Variants in ASIC2 observed in about 807,000 individuals in gnomAD.
ASIC2 encodes acid sensing ion channel subunit 2, also known as acid-sensing ion channel 2.
Under a neutral mutation model 57.3 loss-of-function variants are expected in ASIC2, and 25 were observed. The observed-to-expected ratio is 0.44, with a 90% CI of 0.32 to 0.61. ASIC2 has a LOEUF of 0.61. Ranked by LOEUF, ASIC2 falls within the 20% of genes least tolerant of loss-of-function variation. The probability of loss-of-function intolerance (pLI) is 0.06; values close to 1 mark genes in which losing one functional copy is unlikely to be tolerated. For missense variants in ASIC2, 641 were observed against 738.1 expected, an observed-to-expected ratio of 0.87 and a Z score of 1.52; for synonymous variants, 319 against 307.5, an observed-to-expected ratio of 1.04 and a Z score of -0.39.
At chr17:33,660,141 C>G (rs998276818) in intron 1 of ASIC2, among the ~76,000 whole-genome samples, 1 of 151,848 alleles carries the variant, frequency 6.6e-6, no homozygotes, top group South Asian at 2.1e-4. Flanking sequence ...ATGATTGGAT[C>G]TCGCAGGACT....
intron 1 of ASIC2, among the ~76,000 whole-genome samples, chr17:33,285,914 C>A (rs1257192790): frequency 6.6e-6 from 1 of 152,218 alleles, no homozygotes; most frequent in Admixed American, 6.5e-5. Context: ...GTCCTTCACT[C>A]AAAATTCTCA....
In ASIC2 at chr17:33,387,993, T is replaced by C. The variant is rs527846446; in HGVS notation, c.556-275926A>G. 1.2e-3 allele frequency among the ~76,000 whole-genome samples: 185 copies of C among 152,122 alleles called. 1 individual carries two copies. The highest frequency in any genetic ancestry group is 4.3e-3 in the African/African-American group (177 of 41,498). On this transcript the variant is annotated intron_variant, in intron 1 of 9. Transcript: ENST00000359872. ...TACTCAGGAGGGAGAGGCAGGAGAA[T>C]TGCTTGAACCCGGGAGGCAGAGGTT...
rs192996091 is a variant in ASIC2, at chr17:33,235,913, T to C, written c.708+55495A>G. Among the ~76,000 whole-genome samples, 473 of 151,644 alleles carry C rather than the reference T, an allele frequency of 3.1e-3. 2 individuals carry two copies. Among genetic ancestry groups the C allele is most frequent in the South Asian group, 4.6e-3 (22 of 4,788 alleles). On this transcript the variant is annotated intron_variant, in intron 1 of 9. Transcript: ENST00000225823. ...GTGCAATGGTGCAATCTCAGCTCAC[T>C]GCGACCTCCTCCTCCCGGGTTCAAG...
intron 1 of ASIC2, among the ~76,000 whole-genome samples, chr17:33,697,207 G>A (rs1299912777): frequency 1.3e-5 from 2 of 152,172 alleles, no homozygotes; most frequent in East Asian, 3.8e-4. Context: ...TGTACAGCCT[G>A]CAGAATGATA....
At chr17:34,031,710 C>T (rs922068304) in intron 1 of ASIC2, among the ~76,000 whole-genome samples, 14 of 152,010 alleles carry the variant, frequency 9.2e-5, no homozygotes, top group East Asian at 3.9e-4. Flanking sequence ...AGCTACGTGA[C>T]GAATGCAGAA....
intron 1 of ASIC2, among the ~76,000 whole-genome samples, chr17:33,514,339 C>A (rs1914507354): frequency 6.6e-6 from 1 of 152,128 alleles, no homozygotes; most frequent in Admixed American, 6.5e-5. Context: ...CGTTCATGGC[C>A]CTGCCTTGCT....
chr17:33,706,382 G>A (rs955653083), intron 1 of ASIC2, among the ~76,000 whole-genome samples: 1 of 151,582 alleles, frequency 6.6e-6, no homozygotes. Flanking sequence ...ACCATGAATG[G>A]CTAATTTTTT....
chr17:33,523,803 G>A (rs1914811470), intron 1 of ASIC2, among the ~76,000 whole-genome samples: 1 of 152,188 alleles, frequency 6.6e-6, no homozygotes, highest in African/African-American at 2.4e-5. Flanking sequence ...GGCTGATGTA[G>A]CTCCAGGGAG....
intron 1 of ASIC2, among the ~76,000 whole-genome samples, chr17:33,269,735 C>CTTCTTTCCTTCCTTCT (rs1904403269): frequency 2.5e-5 from 2 of 78,814 alleles, no homozygotes; most frequent in African/African-American, 4.5e-5. Context: ...TCCCTCCCTC[C>CTTCTTTCCTTCCTTCT]TTCCTTCCTT....
chr17:33,978,088 G>C (rs1188313966), intron 1 of ASIC2, among the ~76,000 whole-genome samples: 1 of 152,224 alleles, frequency 6.6e-6, no homozygotes, highest in African/African-American at 2.4e-5. Context: ...ATTCATAGCT[G>C]AGACCACGCC....
chr17:33,295,216 G>A (rs7210638), upstream of ASIC2, among the ~76,000 whole-genome samples: 3,509 of 152,258 alleles, frequency 0.023, 126 homozygotes, highest in African/African-American at 0.08. Flanking sequence ...TGTCTTCTCT[G>A]CCATGGGATT....
At chr17:33,283,093 G>A (rs2142171576) in intron 1 of ASIC2, among the ~76,000 whole-genome samples, 1 of 152,196 alleles carries the variant, frequency 6.6e-6, no homozygotes, top group East Asian at 1.9e-4. Context: ...CTGCTCTGGT[G>A]TGGCAGAGGG....
chr17:33,170,126 G>A (rs537970027), intron 1 of ASIC2, among the ~76,000 whole-genome samples: 4 of 152,310 alleles, frequency 2.6e-5, no homozygotes, highest in African/African-American at 9.6e-5. Context: ...AGGGAATCAA[G>A]TGTAGCCAAG....
chr17:33,932,860 T>C (rs1394378683), intron 1 of ASIC2, among the ~76,000 whole-genome samples: 2 of 151,234 alleles, frequency 1.3e-5, no homozygotes, highest in African/African-American at 2.4e-5. Context: ...TATTGGGCAA[T>C]GCTGTCCTAG....
At chr17:33,131,389 GA>G (rs1207823046) in intron 1 of ASIC2, among the ~76,000 whole-genome samples, 4 of 152,140 alleles carry the variant, frequency 2.6e-5, no homozygotes, top group Admixed American at 1.3e-4. Flanking sequence ...AAAACTGCAT[GA>G]TGCTGGAAAG....
chr17:33,597,714 A>C (rs552041109), intron 1 of ASIC2, among the ~76,000 whole-genome samples: 1 of 152,130 alleles, frequency 6.6e-6, no homozygotes, highest in African/African-American at 2.4e-5. Flanking sequence ...ACGTTTCCCA[A>C]CCCCTGAGTT....
At chr17:34,057,524 T>C (rs1480458274) in intron 1 of ASIC2, among the ~76,000 whole-genome samples, 1 of 152,068 alleles carries the variant, frequency 6.6e-6, no homozygotes, top group African/African-American at 2.4e-5. Context: ...GGAGCTTTAG[T>C]AGGAGGACGG....
intron 1 of ASIC2, among the ~76,000 whole-genome samples, chr17:34,091,023 G>C (rs891697836): frequency 3.9e-5 from 6 of 152,204 alleles, no homozygotes; most frequent in Non-Finnish European, 8.8e-5. Flanking sequence ...CTTCCAACCT[G>C]GGCCTCAGTT....
rs540681646 is a variant in ASIC2, at chr17:34,021,994, C to T, written c.555+133984G>A. On this transcript the variant is annotated intron_variant, in intron 1 of 9. Transcript: ENST00000359872. ...CTGGGACTATAGGTGCCCGCCACCA[C>T]GCCTGGCTAATTTTTTGTATTTTTA... Among the ~76,000 whole-genome samples the T allele has an allele frequency of 1.8e-3, 280 of 152,042 alleles. 1 individual carries two copies. Among genetic ancestry groups the T allele is most frequent in the Admixed American group, 3.5e-3 (53 of 15,276 alleles).
Sources: gnomAD v4.1 joint callset for allele counts (sites outside exome capture counted in the v4.1 genomes callset) on GRCh38, gnomAD v4.1.1 for gene constraint, MANE v1.5 for transcripts, NCBI Gene and HGNC (gene_info 2026-07-23, HGNC 2026-07-21) for gene names.